Variants in GPC5 observed in about 807,000 individuals in gnomAD.
The protein encoded by GPC5 is glypican 5.
GPC5 carries 47 observed loss-of-function variants against 53.9 expected under a neutral mutation model. That is an observed-to-expected ratio of 0.87 (90% confidence interval 0.69 to 1.11). The LOEUF (loss-of-function observed/expected upper bound fraction) is 1.11, where lower values mean the gene tolerates loss of function less well. GPC5 is among the 50% of genes most tolerant of loss of function. The probability of loss-of-function intolerance (pLI) is 0.00; values close to 1 mark genes in which losing one functional copy is unlikely to be tolerated. For synonymous variants in GPC5, 286 were observed against 263.3 expected (o/e 1.09, Z -0.84); for missense variants, 748 against 713.1 (o/e 1.05, Z -0.56).
At chr13:91,827,262 G>T (rs2038589769) in intron 5 of GPC5, among the ~76,000 whole-genome samples, 1 of 151,716 alleles carries the variant, frequency 6.6e-6, no homozygotes, top group African/African-American at 2.4e-5. Flanking sequence ...GCTTTTAAAA[G>T]AATACAAAAA....
chr13:91,657,110 C>A (rs2034864711), intron 2 of GPC5, among the ~76,000 whole-genome samples: 1 of 152,074 alleles, frequency 6.6e-6, no homozygotes, highest in Non-Finnish European at 1.5e-5. Flanking sequence ...GGACATGATA[C>A]AACTAGATTT....
At chr13:92,150,023 T>C (rs1332366787) in intron 7 of GPC5, among the ~76,000 whole-genome samples, 4 of 151,966 alleles carry the variant, frequency 2.6e-5, no homozygotes, top group Non-Finnish European at 5.9e-5. Flanking sequence ...CAAAATAAAA[T>C]ATATTCAGCT....
intron 7 of GPC5, among the ~76,000 whole-genome samples, chr13:92,841,558 A>G (rs1010970930): frequency 7.2e-5 from 11 of 152,048 alleles, no homozygotes; most frequent in Non-Finnish European, 1.6e-4. Context: ...TTTCATCCGC[A>G]TATACTTTTA....
At chr13:92,621,245 G>A (rs770797796) in intron 7 of GPC5, among the ~76,000 whole-genome samples, 6 of 152,144 alleles carry the variant, frequency 3.9e-5, no homozygotes, top group Admixed American at 2.6e-4. Context: ...CATTGGCCAT[G>A]TGAGGTCCTG....
chr13:91,801,360 T>G, intron 5 of GPC5, among the ~76,000 whole-genome samples: 1 of 151,786 alleles, frequency 6.6e-6, no homozygotes, highest in South Asian at 2.1e-4. Flanking sequence ...CCATCTGACA[T>G]GATGAACACA....
chr13:92,002,499 G>A (rs2040564364), intron 6 of GPC5, among the ~76,000 whole-genome samples: 1 of 152,164 alleles, frequency 6.6e-6, no homozygotes, highest in Non-Finnish European at 1.5e-5. Flanking sequence ...GAGATGATAA[G>A]CAAAGCAGAT....
At chr13:91,650,750 GTTTT>G (rs67507888) in intron 2 of GPC5, among the ~76,000 whole-genome samples, 10 of 99,594 alleles carry the variant, frequency 1.0e-4, no homozygotes, top group African/African-American at 2.8e-4. Context: ...ATTCCCATAA[GTTTT>G]TTTTTTTTTT....
chr13:92,290,722 G>A (rs931954803), intron 7 of GPC5, among the ~76,000 whole-genome samples: 5 of 152,186 alleles, frequency 3.3e-5, no homozygotes, highest in Admixed American at 3.3e-4. Flanking sequence ...GTGACAGCGT[G>A]CTGGCAGTCC....
chr13:92,834,005 T>A (rs964650972), intron 7 of GPC5, among the ~76,000 whole-genome samples: 1 of 152,142 alleles, frequency 6.6e-6, no homozygotes, highest in African/African-American at 2.4e-5. Context: ...TGATTTGAAT[T>A]TTTGTTGCCC....
At chr13:91,533,681 G>C (rs988448208) in intron 2 of GPC5, among the ~76,000 whole-genome samples, 1 of 152,286 alleles carries the variant, frequency 6.6e-6, no homozygotes, top group Admixed American at 6.5e-5. Flanking sequence ...ACAGGCCACC[G>C]AAAGGAAGCA....
At chr13:92,452,792 C>T (rs1280879639) in intron 7 of GPC5, among the ~76,000 whole-genome samples, 1 of 152,164 alleles carries the variant, frequency 6.6e-6, no homozygotes, top group Non-Finnish European at 1.5e-5. Flanking sequence ...TGGTCTTGAA[C>T]TCCTGAGCTC....
chr13:92,685,510 AAAAT>A (rs1402433422), intron 7 of GPC5, among the ~76,000 whole-genome samples: 2 of 148,890 alleles, frequency 1.3e-5, no homozygotes, highest in African/African-American at 2.5e-5. Flanking sequence ...GCATTTTAAA[AAAAT>A]AATCAAGTTA....
intron 6 of GPC5, among the ~76,000 whole-genome samples, chr13:92,053,226 C>T (rs1384670396): frequency 1.3e-5 from 2 of 152,304 alleles, no homozygotes; most frequent in Non-Finnish European, 2.9e-5. Flanking sequence ...GAAGAGGGAA[C>T]TAAGTTATAT....
chr13:92,757,791 C>G (rs190678117), intron 7 of GPC5, among the ~76,000 whole-genome samples: 1 of 152,308 alleles, frequency 6.6e-6, no homozygotes, highest in Non-Finnish European at 1.5e-5. Flanking sequence ...GATACCATCT[C>G]ACACCAGTTA....
intron 7 of GPC5, among the ~76,000 whole-genome samples, chr13:92,841,253 AC>A: frequency 6.6e-6 from 1 of 152,236 alleles, no homozygotes; most frequent in African/African-American, 2.4e-5. Context: ...ATTAAACAAG[AC>A]CCCAGATTCA....
intron 6 of GPC5, among the ~76,000 whole-genome samples, chr13:91,982,409 C>A (rs191547190): frequency 6.6e-6 from 1 of 151,146 alleles, no homozygotes. Flanking sequence ...AACATCTATA[C>A]CACAGAGATG....
At chr13:92,285,163 C>G (rs888005325) in intron 7 of GPC5, among the ~76,000 whole-genome samples, 4 of 152,042 alleles carry the variant, frequency 2.6e-5, no homozygotes, top group African/African-American at 7.2e-5. Context: ...GAATAAAATA[C>G]CTAGGAATCC....
intron 2 of GPC5, among the ~76,000 whole-genome samples, chr13:91,617,523 A>G (rs764072148): frequency 5.7e-4 from 87 of 152,136 alleles, no homozygotes; most frequent in Non-Finnish European, 1.0e-3. Flanking sequence ...TAGTAAAGCC[A>G]GTTGCAAATA....
At chr13:92,480,426 A>G (rs1323079217) in intron 7 of GPC5, among the ~76,000 whole-genome samples, 5 of 152,176 alleles carry the variant, frequency 3.3e-5, no homozygotes, top group South Asian at 2.1e-4. Context: ...ATCATAACAT[A>G]AAATAATTTT....
Sources: allele counts gnomAD v4.1 joint callset (sites outside exome capture counted in the v4.1 genomes callset), GRCh38; gene constraint gnomAD v4.1.1; transcripts MANE v1.5; gene names NCBI Gene and HGNC (gene_info 2026-07-23, HGNC 2026-07-21).